The following TNRC6B variants were observed in gnomAD, a reference collection of about 807,000 sequenced individuals.
The protein encoded by TNRC6B is trinucleotide repeat containing adaptor 6B.
In TNRC6B, 52 loss-of-function variants were observed where a neutral mutation model predicts 203.6. That is an observed-to-expected ratio of 0.26 (90% CI 0.20 to 0.32). The LOEUF is 0.32. Ranked by LOEUF, TNRC6B falls within the 10% of genes least tolerant of loss-of-function variation. The probability of loss-of-function intolerance (pLI) is 1.00; values close to 1 mark genes in which losing one functional copy is unlikely to be tolerated. For synonymous variants in TNRC6B, 838 were observed against 845.7 expected (o/e 0.99, Z 0.16); for missense variants, 1,923 against 2,286.2 (o/e 0.84, Z 3.24).
At chr22:40,221,099 G>C (rs566748365) in intron 1 of TNRC6B, among the ~76,000 whole-genome samples, 7 of 152,092 alleles carry the variant, frequency 4.6e-5, no homozygotes, top group Admixed American at 1.3e-4. Flanking sequence ...CAACTCTGTC[G>C]ATACCTGTAG....
At position 40,278,177 on chromosome 22, in the gene TNRC6B, C is replaced by T. The variant is rs557627368; in HGVS notation, c.3262+133C>T. On this transcript the variant is annotated intron_variant, in intron 9 of 22. Transcript: ENST00000454349. ...TTGAGCACTTACTCTTTGTAAGGTA[C>T]TGTGCTAGACACTGGGCAGGGATAG... is the stretch of plus-strand genomic sequence containing the variant. The T allele has an allele frequency of 1.3e-4, 94 of 698,926 alleles. 1 individual carries two copies. The Admixed American group carries it at 2.2e-3, about 16-fold the overall frequency. 43.3% of individuals were successfully genotyped at this position (698,926 alleles called of 1,614,324 possible).
chr22:40,225,742 CAAAAAAAAAA>C (rs34769532), intron 1 of TNRC6B, among the ~76,000 whole-genome samples: 5 of 64,354 alleles, frequency 7.8e-5, no homozygotes, highest in East Asian at 4.8e-4. Flanking sequence ...GACTCCGTCT[CAAAAAAAAAA>C]AAAAAAAAAA....
At chr22:40,109,691 T>TC (rs2068316235) in intron 1 of TNRC6B, among the ~76,000 whole-genome samples, 1 of 152,226 alleles carries the variant, frequency 6.6e-6, no homozygotes, top group Non-Finnish European at 1.5e-5. Context: ...TGTAAAGGGA[T>TC]CCTGAGACAA....
chr22:40,295,935 G>A (rs1304457589), intron 12 of TNRC6B, among the ~76,000 whole-genome samples: 1 of 152,152 alleles, frequency 6.6e-6, no homozygotes, highest in Admixed American at 6.5e-5. Flanking sequence ...GAAAGAATTT[G>A]TGAAGAGAAT....
chr22:40,087,720 G>A (rs1187058552), intron 1 of TNRC6B, among the ~76,000 whole-genome samples: 1 of 152,150 alleles, frequency 6.6e-6, no homozygotes, highest in Non-Finnish European at 1.5e-5. Context: ...TATGTGTGAA[G>A]GTCCTGAGGG....
At chr22:40,045,319 G>A (rs1304198481) in intron 1 of TNRC6B, among the ~76,000 whole-genome samples, 2 of 147,722 alleles carry the variant, frequency 1.4e-5, no homozygotes, top group African/African-American at 4.9e-5. Flanking sequence ...GGGCCGGGGC[G>A]CCCCGAACGG....
At chr22:40,283,308 G>A (rs12167006) in intron 11 of TNRC6B, among the ~76,000 whole-genome samples, 2,743 of 152,270 alleles carry the variant, frequency 0.018, 37 homozygotes, top group Middle Eastern at 0.041. Flanking sequence ...AAAGTGCTGG[G>A]ATTACAGGCG....
chr22:40,236,812 G>A (rs546608885), intron 1 of TNRC6B, among the ~76,000 whole-genome samples: 2 of 152,328 alleles, frequency 1.3e-5, no homozygotes, highest in South Asian at 2.1e-4. Flanking sequence ...TTTGAGGCAC[G>A]ATGGGCTCAG....
At chr22:40,162,448 C>T (rs4821929) in intron 4 of TNRC6B, among the ~76,000 whole-genome samples, 103,584 of 152,112 alleles carry the variant, frequency 0.68, 37,110 homozygotes, top group African/African-American at 0.91. Context: ...ACTAAACTTT[C>T]TGGGAACCAT....
At chr22:40,140,042 A>C (rs1383423446) in intron 3 of TNRC6B, among the ~76,000 whole-genome samples, 1 of 152,228 alleles carries the variant, frequency 6.6e-6, no homozygotes, top group Non-Finnish European at 1.5e-5. Context: ...CATGGTTCAT[A>C]CATTTCCATG....
At chr22:40,264,307 A>G (rs1398477329) in intron 4 of TNRC6B, among the ~76,000 whole-genome samples, 1 of 152,212 alleles carries the variant, frequency 6.6e-6, no homozygotes, top group Non-Finnish European at 1.5e-5. Flanking sequence ...AAGGTTCTCC[A>G]TACAGCAGTG....
chr22:40,277,986 C>A lies in TNRC6B; in HGVS notation c.3217-13C>A, dbSNP rs1035813473. The A allele has an allele frequency of 1.3e-6, 2 of 1,549,252 alleles. No individual in the cohort carries two copies. Among genetic ancestry groups the A allele is most frequent in the South Asian group, 2.4e-5 (2 of 84,472 alleles). On this transcript the variant is annotated splice_polypyrimidine_tract_variant and intron_variant, in intron 8 of 22. Coordinates refer to ENST00000454349, the MANE Select transcript of TNRC6B (RefSeq NM_001162501.2). ...CATCCTTAATTCTCTCTCATCTGTT[C>A]TTTATTTTCCAGAGTCAGACTGAAG...
intron 1 of TNRC6B, among the ~76,000 whole-genome samples, chr22:40,069,105 G>GT (rs2067923541): frequency 6.6e-6 from 1 of 151,964 alleles, no homozygotes; most frequent in African/African-American, 2.4e-5. Flanking sequence ...TGCTATGAAA[G>GT]TTTTTTGTTT....
chr22:40,258,071 C>CTTTTTTTTTTTTT (rs56078653), intron 3 of TNRC6B, among the ~76,000 whole-genome samples: 848 of 28,696 alleles, frequency 0.03, 98 homozygotes, highest in Middle Eastern at 0.12. Flanking sequence ...GATACACAGC[C>CTTTTTTTTTTTTT]TTTTTTTTTT....
chr22:40,308,176 G>T (rs1010583323), intron 15 of TNRC6B, among the ~76,000 whole-genome samples: 9 of 152,160 alleles, frequency 5.9e-5, no homozygotes, highest in African/African-American at 2.2e-4. Flanking sequence ...CGCTACATTG[G>T]CTGGATGTCG....
chr22:40,277,057 T>C lies in TNRC6B; in HGVS notation c.3142-20T>C, dbSNP rs749604379. On this transcript the variant is annotated intron_variant, in intron 7 of 22. Transcript: ENST00000454349. ...GAAATAAATTATTTGGTTCTGAGGT[T>C]CCGTGTTTCATTTCTGTAGTGCTCA... 1 of 1,563,252 alleles carries C rather than the reference T, an allele frequency of 6.4e-7. No homozygotes were observed. The highest frequency in any genetic ancestry group is 8.6e-7 in the Non-Finnish European group (1 of 1,156,918).
chr22:40,131,109 A>G (rs2068540525), intron 3 of TNRC6B, among the ~76,000 whole-genome samples: 1 of 151,694 alleles, frequency 6.6e-6, no homozygotes, highest in Admixed American at 6.6e-5. Flanking sequence ...TTTAGTAGAG[A>G]CGGGGTTTCA....
At chr22:40,204,347 T>C (rs2069451423) in intron 1 of TNRC6B, among the ~76,000 whole-genome samples, 1 of 152,180 alleles carries the variant, frequency 6.6e-6, no homozygotes, top group Non-Finnish European at 1.5e-5. Context: ...AAACCAGGCA[T>C]GTAGGTTCAA....
intron 1 of TNRC6B, among the ~76,000 whole-genome samples, chr22:40,066,167 T>G (rs2067892485): frequency 6.6e-6 from 1 of 152,154 alleles, no homozygotes; most frequent in Admixed American, 6.5e-5. Flanking sequence ...ACTGGGAAAC[T>G]TTCCCTAGGC....
Sources: allele counts gnomAD v4.1 joint callset (sites outside exome capture counted in the v4.1 genomes callset), GRCh38; gene constraint gnomAD v4.1.1; transcripts MANE v1.5; gene names NCBI Gene and HGNC (gene_info 2026-07-23, HGNC 2026-07-21).